The following NRXN3 variants were observed in gnomAD, a reference collection of about 807,000 sequenced individuals.
NRXN3 encodes neurexin III.
In NRXN3, 32 loss-of-function variants were observed where a neutral mutation model predicts 137.6. That is an observed-to-expected ratio of 0.23 (90% CI 0.18 to 0.31). The LOEUF is 0.31. Ranked by LOEUF, NRXN3 falls within the 10% of genes least tolerant of loss-of-function variation. The pLI, the probability that NRXN3 is intolerant of heterozygous loss-of-function variation, is 1.00. For synonymous variants in NRXN3, 798 were observed against 784.5 expected, an observed-to-expected ratio of 1.02 and a Z score of -0.29; for missense variants, 1,574 against 2,062.5, an observed-to-expected ratio of 0.76 and a Z score of 4.59.
At chr14:78,219,201 C>G (rs1182541496) in intron 1 of NRXN3, among the ~76,000 whole-genome samples, 6 of 152,256 alleles carry the variant, frequency 3.9e-5, no homozygotes, top group Non-Finnish European at 7.4e-5. Flanking sequence ...GTCCAATATA[C>G]AGGGTGACTA....
At position 78,817,577 on chromosome 14, in the gene NRXN3, G is replaced by T. The variant is rs138980360; in HGVS notation, c.2275+7233G>T. 8.3e-4 allele frequency among the ~76,000 whole-genome samples: 127 copies of T among 152,240 alleles called. No homozygotes were observed. In the East Asian group the frequency reaches 0.012, roughly 15 times the overall value. ...TCTGGTGGCTGAAAGTTTCAAGAGC[G>T]GGCAGTTGCATTTGGCGAGGGCTTC... On this transcript the variant is annotated intron_variant, in intron 10 of 20. Coordinates refer to ENST00000335750, the MANE Select transcript of NRXN3 (RefSeq NM_001330195.2).
intron 16 of NRXN3, among the ~76,000 whole-genome samples, chr14:79,498,624 A>G (rs1080128): frequency 0.095 from 14,496 of 152,260 alleles, 825 homozygotes; most frequent in South Asian, 0.24. Context: ...ACAAAGTTCT[A>G]TAGAATCTAC....
intron 6 of NRXN3, among the ~76,000 whole-genome samples, chr14:78,658,592 GTTAA>G (rs983530972): frequency 6.6e-6 from 1 of 152,152 alleles, no homozygotes; most frequent in African/African-American, 2.4e-5. Flanking sequence ...CAGTTCTAAT[GTTAA>G]TTAGAAAATT....
At chr14:78,178,761 CT>C (rs1259846069) in intron 1 of NRXN3, among the ~76,000 whole-genome samples, 1 of 152,104 alleles carries the variant, frequency 6.6e-6, no homozygotes, top group Non-Finnish European at 1.5e-5. Context: ...GGTTAAATCG[CT>C]TTTTTAGGAT....
chr14:78,393,195 T>C (rs1039500530), intron 4 of NRXN3, among the ~76,000 whole-genome samples: 4 of 151,996 alleles, frequency 2.6e-5, no homozygotes, highest in Non-Finnish European at 5.9e-5. Flanking sequence ...TTTTTTTTTT[T>C]ACTTTTTTTA....
At chr14:78,791,373 ACAACC>A (rs2098804635) in intron 8 of NRXN3, among the ~76,000 whole-genome samples, 1 of 152,198 alleles carries the variant, frequency 6.6e-6, no homozygotes, top group Non-Finnish European at 1.5e-5. Context: ...GAAAAGGGGT[ACAACC>A]CAATGTCATA....
intron 15 of NRXN3, among the ~76,000 whole-genome samples, chr14:79,155,643 T>C (rs770870026): frequency 1.3e-4 from 20 of 151,868 alleles, no homozygotes; most frequent in Non-Finnish European, 2.9e-4. Flanking sequence ...CAAATTATGT[T>C]GTTATATTTT....
intron 15 of NRXN3, among the ~76,000 whole-genome samples, chr14:79,227,812 CCCTT>C (rs1218831943): frequency 4.5e-5 from 2 of 44,720 alleles, no homozygotes; most frequent in Admixed American, 2.0e-4. Context: ...CTTCCTCCCT[CCCTT>C]CCTCCCTTCC....
chr14:78,701,994 GAGTT>G (rs2152804774), intron 6 of NRXN3, among the ~76,000 whole-genome samples: 1 of 152,298 alleles, frequency 6.6e-6, no homozygotes, highest in African/African-American at 2.4e-5. Flanking sequence ...TCAGCAGGTG[GAGTT>G]AGTTTACTGA....
At chr14:79,468,984 T>C (rs1269916622) in intron 16 of NRXN3, among the ~76,000 whole-genome samples, 1 of 152,236 alleles carries the variant, frequency 6.6e-6, no homozygotes, top group African/African-American at 2.4e-5. Flanking sequence ...CCATACTTAC[T>C]ACACTTTATC....
intron 15 of NRXN3, among the ~76,000 whole-genome samples, chr14:79,186,379 C>T (rs778415251): frequency 5.9e-5 from 9 of 152,064 alleles, no homozygotes; most frequent in African/African-American, 1.9e-4. Context: ...GTATATCCAA[C>T]GTGGCTAACA....
At chr14:79,031,352 A>G (rs1259985100) in intron 15 of NRXN3, among the ~76,000 whole-genome samples, 2 of 152,192 alleles carry the variant, frequency 1.3e-5, no homozygotes, top group Non-Finnish European at 2.9e-5. Context: ...TAGAAAATGA[A>G]TAGGTAACAC....
intron 8 of NRXN3, chr14:78,745,129 C>CT (rs886939662): frequency 6.6e-6 from 1 of 152,188 alleles, no homozygotes; most frequent in African/African-American, 2.4e-5. Flanking sequence ...TGTACTTTTC[C>CT]TTTTTGTAGA....
chr14:78,873,046 C>T (rs1293925420), intron 10 of NRXN3, among the ~76,000 whole-genome samples: 6 of 152,138 alleles, frequency 3.9e-5, no homozygotes, highest in Non-Finnish European at 7.3e-5. Flanking sequence ...TTAGTCACTC[C>T]ATCTGTTTTC....
chr14:79,118,566 G>A (rs556705558), intron 15 of NRXN3, among the ~76,000 whole-genome samples: 7 of 152,322 alleles, frequency 4.6e-5, no homozygotes, highest in South Asian at 4.1e-4. Flanking sequence ...GTGAGGAACC[G>A]TGGCAACATG....
chr14:79,577,026 A>T (rs1274085374), intron 16 of NRXN3, among the ~76,000 whole-genome samples: 1 of 152,164 alleles, frequency 6.6e-6, no homozygotes, highest in Non-Finnish European at 1.5e-5. Context: ...TAATAGGATC[A>T]TGGGGGCAGT....
chr14:78,757,974 G>A (rs1414556108), intron 8 of NRXN3, among the ~76,000 whole-genome samples: 1 of 152,120 alleles, frequency 6.6e-6, no homozygotes. Flanking sequence ...GAAAGCTCCT[G>A]GGTTATTTAT....
intron 10 of NRXN3, among the ~76,000 whole-genome samples, chr14:78,873,976 C>CTTT (rs3034392): frequency 0.088 from 12,395 of 140,748 alleles, 956 homozygotes; most frequent in African/African-American, 0.2. Flanking sequence ...TCTTTTCTTT[C>CTTT]TTTTTTTTTT....
At chr14:78,923,875 T>G (rs918334992) in intron 10 of NRXN3, among the ~76,000 whole-genome samples, 3 of 152,258 alleles carry the variant, frequency 2.0e-5, no homozygotes, top group Non-Finnish European at 4.4e-5. Context: ...TTTTGACTTT[T>G]CTTCTTCAAC....
Sources: gnomAD v4.1 joint callset for allele counts (sites outside exome capture counted in the v4.1 genomes callset) on GRCh38, gnomAD v4.1.1 for gene constraint, MANE v1.5 for transcripts, NCBI Gene and HGNC (gene_info 2026-07-23, HGNC 2026-07-21) for gene names.